NCALD: variants seen among roughly 807,000 people sequenced by gnomAD.
NCALD encodes neurocalcin-delta.
Under a neutral mutation model 18.6 loss-of-function variants are expected in NCALD, and 10 were observed. The ratio of observed to expected loss-of-function variants is 0.54; its 90% CI spans 0.33 to 0.91. The LOEUF is 0.91. Among genes scored for constraint, NCALD ranks in the 40% least tolerant of loss-of-function variants. NCALD has a pLI of 0.03. For missense variants in NCALD, 184 were observed against 247.6 expected (o/e 0.74, Z 1.72); for synonymous variants, 88 against 87.4 (o/e 1.01, Z -0.04).
At chr8:101,974,134 G>C (rs543859483) in intron 2 of NCALD, among the ~76,000 whole-genome samples, 1 of 152,112 alleles carries the variant, frequency 6.6e-6, no homozygotes, top group African/African-American at 2.4e-5. Flanking sequence ...CCCAAAGCCA[G>C]TCCAAATTTT....
At chr8:101,843,691 C>G (rs548286129) in intron 4 of NCALD, among the ~76,000 whole-genome samples, 2 of 150,198 alleles carry the variant, frequency 1.3e-5, no homozygotes, top group Non-Finnish European at 2.9e-5. Flanking sequence ...ATTCCTGTGT[C>G]TCAGCCTCTG....
intron 1 of NCALD, among the ~76,000 whole-genome samples, chr8:102,096,492 AC>A (rs1266375621): frequency 6.6e-6 from 1 of 152,250 alleles, no homozygotes; most frequent in Non-Finnish European, 1.5e-5. Flanking sequence ...TAACAAAAGG[AC>A]CAGAGACTAC....
chr8:101,890,135 A>G (rs1245921908), intron 3 of NCALD, among the ~76,000 whole-genome samples: 2 of 152,248 alleles, frequency 1.3e-5, no homozygotes, highest in Non-Finnish European at 2.9e-5. Flanking sequence ...ACCAGTATTC[A>G]GGTTATAAAA....
intron 3 of NCALD, among the ~76,000 whole-genome samples, chr8:101,893,619 A>G (rs1181433112): frequency 2.8e-4 from 35 of 123,606 alleles, no homozygotes; most frequent in Non-Finnish European, 6.5e-5. Context: ...CAGGAAACCC[A>G]TCTCACGTGC....
At chr8:101,981,893 T>A (rs1820631735) in intron 2 of NCALD, among the ~76,000 whole-genome samples, 1 of 152,188 alleles carries the variant, frequency 6.6e-6, no homozygotes, top group African/African-American at 2.4e-5. Flanking sequence ...GAAATGTCAA[T>A]GTTGGAAGTG....
intron 4 of NCALD, among the ~76,000 whole-genome samples, chr8:101,843,189 T>C (rs1171554426): frequency 1.3e-5 from 2 of 152,240 alleles, no homozygotes; most frequent in Non-Finnish European, 2.9e-5. Flanking sequence ...ACTTGGCACA[T>C]AGTAGGTAAG....
At chr8:101,911,295 GAGA>G (rs1417961000) in intron 3 of NCALD, among the ~76,000 whole-genome samples, 17 of 149,686 alleles carry the variant, frequency 1.1e-4, no homozygotes, top group Admixed American at 4.0e-4. Flanking sequence ...GAGAAGGGGG[GAGA>G]AGGAGAAGGG....
intron 1 of NCALD, among the ~76,000 whole-genome samples, chr8:101,726,535 G>T (rs1397128596): frequency 6.6e-6 from 1 of 152,108 alleles, no homozygotes. Flanking sequence ...CAAGGTTTGG[G>T]CCTAAGAAAC....
chr8:101,777,715 G>C (rs1179048986), intron 1 of NCALD, among the ~76,000 whole-genome samples: 1 of 152,194 alleles, frequency 6.6e-6, no homozygotes, highest in African/African-American at 2.4e-5. Context: ...TGGCAGACTA[G>C]ACATGACAGT....
At chr8:101,908,338 G>A (rs1817678051) in intron 3 of NCALD, among the ~76,000 whole-genome samples, 1 of 152,134 alleles carries the variant, frequency 6.6e-6, no homozygotes, top group Admixed American at 6.6e-5. Flanking sequence ...AGTTTGTGGG[G>A]AGGGTGTTGT....
chr8:101,890,996 G>C (rs1328430962), intron 3 of NCALD, among the ~76,000 whole-genome samples: 1 of 152,182 alleles, frequency 6.6e-6, no homozygotes, highest in Admixed American at 6.5e-5. Flanking sequence ...GCATGCAATA[G>C]CTTGGGTACA....
At chr8:101,708,257 T>C (rs1372037165) in intron 2 of NCALD, among the ~76,000 whole-genome samples, 1 of 152,214 alleles carries the variant, frequency 6.6e-6, no homozygotes, top group African/African-American at 2.4e-5. Context: ...TCAGAAGTTT[T>C]AGCTTGTTCC....
At chr8:101,975,966 A>G (rs1003109506) in intron 2 of NCALD, among the ~76,000 whole-genome samples, 2 of 152,106 alleles carry the variant, frequency 1.3e-5, no homozygotes, top group Non-Finnish European at 2.9e-5. Context: ...GGTTGTACTC[A>G]TAGAAGGCAT....
At chr8:101,704,268 G>C (rs1403822225) in intron 2 of NCALD, among the ~76,000 whole-genome samples, 1 of 152,156 alleles carries the variant, frequency 6.6e-6, no homozygotes, top group Non-Finnish European at 1.5e-5. Flanking sequence ...TCTTTTAGTG[G>C]AGTGGTTCAT....
intron 3 of NCALD, chr8:101,692,351 C>A: frequency 1.0e-6 from 1 of 985,320 alleles, no homozygotes; most frequent in Non-Finnish European, 1.2e-6. Flanking sequence ...CAGGAGACCC[C>A]AACAAAACCC....
In NCALD at chr8:102,054,662, ATAGATAGATAGATAGATAGATAG is replaced by A. The variant is rs1823573087; in HGVS notation, c.-209-34396_-209-34374del. On this transcript the variant is annotated intron_variant, in intron 1 of 6. Coordinates refer to the NCALD transcript ENST00000311028. Reference sequence around the variant, plus strand: ...GATATGTCTCTCTCTTTCTCTTCCGATAGATAGATAGATAGATAGATAGATAGATAGATAGATAGATAGATAGA... The same window carrying A: ...GATATGTCTCTCTCTTTCTCTTCCGAATAGATAGATAGATAGATAGATAGA... 7.8e-4 allele frequency among the ~76,000 whole-genome samples: 30 copies of A among 38,254 alleles called. 1 individual carries two copies. Among genetic ancestry groups the A allele is most frequent in the Admixed American group, 3.2e-3 (16 of 5,052 alleles). The allele number at this position is 38,254 out of a possible 152,430, so 25.1% of individuals were successfully genotyped here. A position where few individuals can be genotyped will look rare whatever the true frequency, so the allele number is the denominator to read the frequency against.
rs11783384 is a variant in NCALD, at chr8:101,807,709, A to G, written c.-20+79432T>C. Among the ~76,000 whole-genome samples the G allele has an allele frequency of 5.1e-3, 779 of 152,344 alleles. 6 individuals carry two copies. The highest frequency in any genetic ancestry group is 6.1e-3 in the Admixed American group (93 of 15,300). On this transcript the variant is annotated intron_variant, in intron 4 of 6. Coordinates refer to the NCALD transcript ENST00000311028. ...TTCCAAATCACCATCACTTGCAGTC[A>G]TAAAGGGTTACAGCAAAGTTACTGA...
At chr8:101,835,660 A>G (rs918113885) in intron 4 of NCALD, among the ~76,000 whole-genome samples, 12 of 152,138 alleles carry the variant, frequency 7.9e-5, no homozygotes, top group African/African-American at 2.9e-4. Context: ...TTCCATTCAC[A>G]TTTCATGAGC....
intron 4 of NCALD, among the ~76,000 whole-genome samples, chr8:101,878,000 G>T (rs544293739): frequency 2.6e-5 from 4 of 152,264 alleles, no homozygotes; most frequent in African/African-American, 9.6e-5. Context: ...ACTAAATTTT[G>T]AACTCCCATA....
Sources: gnomAD v4.1 joint callset for allele counts (sites outside exome capture counted in the v4.1 genomes callset) on GRCh38, gnomAD v4.1.1 for gene constraint, MANE v1.5 for transcripts, NCBI Gene and HGNC (gene_info 2026-07-23, HGNC 2026-07-21) for gene names.